The following GRB2 variants were observed in gnomAD, a reference collection of about 807,000 sequenced individuals.
The protein encoded by GRB2 is growth factor receptor-bound protein 2.
Under a neutral mutation model 27.4 loss-of-function variants are expected in GRB2, and 2 were observed. That is an observed-to-expected ratio of 0.07 (90% CI 0.03 to 0.23). GRB2 has a LOEUF of 0.23. Among genes scored for constraint, GRB2 ranks in the 10% least tolerant of loss-of-function variants. The pLI is 1.00. For synonymous variants in GRB2, 94 were observed against 99.6 expected (o/e 0.94, Z 0.33); for missense variants, 102 against 282.4 (o/e 0.36, Z 4.58).
intron 2 of GRB2, among the ~76,000 whole-genome samples, chr17:75,336,452 G>A (rs2078577448): frequency 6.6e-6 from 1 of 152,096 alleles, no homozygotes; most frequent in Non-Finnish European, 1.5e-5. Context: ...ATTAGAAAGG[G>A]ACACTTTTGA....
rs576721933 is a variant in GRB2 at position 75,366,555 on chromosome 17, T to C, written c.78+26996A>G. Reference sequence around the variant, plus strand: ...TGGCTCACACTGTAATCTCAGCACTTTGGGAGGCTGAGGCGGGCGGATCAC... The same window carrying C: ...TGGCTCACACTGTAATCTCAGCACTCTGGGAGGCTGAGGCGGGCGGATCAC... On this transcript the variant is annotated intron_variant, in intron 2 of 5. Transcript: ENST00000316804. 2.0e-5 allele frequency among the ~76,000 whole-genome samples: 3 copies of C among 150,018 alleles called. No homozygotes were observed. In the South Asian group the frequency reaches 6.3e-4, roughly 32 times the overall value.
chr17:75,389,219 T>C (rs1192566840), intron 2 of GRB2, among the ~76,000 whole-genome samples: 2 of 152,206 alleles, frequency 1.3e-5, no homozygotes, highest in Non-Finnish European at 2.9e-5. Flanking sequence ...TAGATTCTTA[T>C]TCCAGCCTTC....
intron 3 of GRB2, among the ~76,000 whole-genome samples, chr17:75,331,042 G>C (rs184541329): frequency 1.3e-5 from 2 of 151,102 alleles, no homozygotes; most frequent in East Asian, 3.9e-4. Flanking sequence ...AAAAACAGGA[G>C]GTGGTAGGAT....
At chr17:75,355,690 T>C (rs1312479625) in intron 2 of GRB2, among the ~76,000 whole-genome samples, 1 of 151,976 alleles carries the variant, frequency 6.6e-6, no homozygotes, top group Admixed American at 6.5e-5. Context: ...AAAGCCATCC[T>C]GGGCCACATG....
At chr17:75,343,785 G>A (rs1475067583) in intron 2 of GRB2, among the ~76,000 whole-genome samples, 1 of 152,218 alleles carries the variant, frequency 6.6e-6, no homozygotes, top group Non-Finnish European at 1.5e-5. Flanking sequence ...TGGTGGAGCT[G>A]AAATGCTCTT....
chr17:75,324,510 T>G (rs982453387), intron 4 of GRB2, among the ~76,000 whole-genome samples: 2 of 34,120 alleles, frequency 5.9e-5, no homozygotes, highest in African/African-American at 1.1e-4. Flanking sequence ...GCACCCAGTT[T>G]TTTTTTTTTT....
At chr17:75,393,449 G>A in intron 2 of GRB2, 102 bp downstream of exon 2, 1 of 891,042 alleles carries the variant, frequency 1.1e-6, no homozygotes, top group African/African-American at 1.6e-5. Flanking sequence ...TGTTAAAAGT[G>A]TACAATGAAA....
At chr17:75,341,149 T>C (rs2078618000) in intron 2 of GRB2, among the ~76,000 whole-genome samples, 1 of 152,072 alleles carries the variant, frequency 6.6e-6, no homozygotes, top group Non-Finnish European at 1.5e-5. Context: ...AAAACTCTCC[T>C]GGCTGGGCGC....
At chr17:75,388,105 T>C (rs2078976155) in intron 2 of GRB2, among the ~76,000 whole-genome samples, 1 of 152,268 alleles carries the variant, frequency 6.6e-6, no homozygotes, top group South Asian at 2.1e-4. Flanking sequence ...TTTTTTGTTT[T>C]TGTTTTTTTG....
At chr17:75,373,417 A>T (rs144534565) in intron 2 of GRB2, 1 of 152,196 alleles carries the variant, frequency 6.6e-6, no homozygotes, top group East Asian at 1.9e-4. Flanking sequence ...GTCTACTTTT[A>T]TAACTCTGCC....
At chr17:75,370,736 G>A (rs2078850061) in intron 2 of GRB2, among the ~76,000 whole-genome samples, 1 of 152,134 alleles carries the variant, frequency 6.6e-6, no homozygotes, top group South Asian at 2.1e-4. Context: ...CTTTCCCTAG[G>A]GCTATGGGTT....
At chr17:75,361,610 TACTC>T (rs1207666060) in intron 2 of GRB2, among the ~76,000 whole-genome samples, 1 of 152,130 alleles carries the variant, frequency 6.6e-6, no homozygotes, top group Non-Finnish European at 1.5e-5. Context: ...ATGAGGGAAA[TACTC>T]ATACACAGAG....
intron 2 of GRB2, among the ~76,000 whole-genome samples, chr17:75,383,248 AGGC>A (rs549347052): frequency 1.3e-5 from 2 of 152,306 alleles, no homozygotes; most frequent in East Asian, 3.9e-4. Context: ...CTTACAAAAG[AGGC>A]CCCCAGTAGG....
chr17:75,404,951 T>C (rs993240964), intron 1 of GRB2: 2 of 107,648 alleles, frequency 1.9e-5, no homozygotes, highest in African/African-American at 5.0e-5. Flanking sequence ...GACAAATATT[T>C]TTCAAATAGT....
At chr17:75,402,244 A>C (rs1328047770) in intron 1 of GRB2, among the ~76,000 whole-genome samples, 1 of 152,220 alleles carries the variant, frequency 6.6e-6, no homozygotes, top group Non-Finnish European at 1.5e-5. Context: ...TATAGTTTTT[A>C]CTGAGCGCTA....
At chr17:75,401,446 C>T (rs1445044043) in intron 1 of GRB2, among the ~76,000 whole-genome samples, 8 of 106,510 alleles carry the variant, frequency 7.5e-5, no homozygotes, top group Non-Finnish European at 1.0e-4. Flanking sequence ...AGCGAGACTC[C>T]GTCTCAAAAA....
chr17:75,349,563 T>G (rs2078676301), intron 2 of GRB2, among the ~76,000 whole-genome samples: 1 of 144,714 alleles, frequency 6.9e-6, no homozygotes, highest in Non-Finnish European at 1.5e-5. Flanking sequence ...CAGGCTGGAC[T>G]GCAGTGATGC....
intron 2 of GRB2, among the ~76,000 whole-genome samples, chr17:75,386,928 C>G (rs1567874863): frequency 6.6e-6 from 1 of 152,126 alleles, no homozygotes; most frequent in Non-Finnish European, 1.5e-5. Flanking sequence ...GTAACCCCAG[C>G]ACTTTGGGAG....
chr17:75,372,194 C>A (rs2078861017), intron 2 of GRB2: 1 of 152,172 alleles, frequency 6.6e-6, no homozygotes, highest in African/African-American at 2.4e-5. Context: ...AGGCCACCCC[C>A]GAGCAGTGAG....
Sources: allele counts gnomAD v4.1 joint callset (sites outside exome capture counted in the v4.1 genomes callset), GRCh38; gene constraint gnomAD v4.1.1; transcripts MANE v1.5; gene names NCBI Gene and HGNC (gene_info 2026-07-23, HGNC 2026-07-21).